NT5DC4: variants seen among roughly 807,000 people sequenced by gnomAD.
NT5DC4 encodes 5'-nucleotidase domain containing 4.
A neutral mutation model predicts 26.6 loss-of-function variants in NT5DC4; 44 were observed. That is an observed-to-expected ratio of 1.65 (90% CI 1.30 to 2.13). NT5DC4 has a LOEUF of 2.13. Ranked by LOEUF, NT5DC4 falls within the 30% of genes most tolerant of loss-of-function variation. NT5DC4 has a pLI of 0.00. For synonymous variants in NT5DC4, 157 were observed against 86.7 expected, an observed-to-expected ratio of 1.81 and a Z score of -4.51; for missense variants, 399 against 228.1, an observed-to-expected ratio of 1.75 and a Z score of -4.83.
At chr2:112,728,244 G>A (rs1678012752) in intron 15 of NT5DC4, among the ~76,000 whole-genome samples, 1 of 152,136 alleles carries the variant, frequency 6.6e-6, no homozygotes, top group Admixed American at 6.5e-5. Context: ...ACACTATCTC[G>A]TCATTTCCTT....
At chr2:112,730,495 AC>A (rs1415580216) in intron 16 of NT5DC4, among the ~76,000 whole-genome samples, 1 of 152,048 alleles carries the variant, frequency 6.6e-6, no homozygotes, top group Non-Finnish European at 1.5e-5. Flanking sequence ...TCCTCCCCAG[AC>A]AGGCTTTGTT....
Position 112,722,280 on chromosome 2 carries a change from T to A in NT5DC4, c.362+2T>A. The stretch of plus-strand genomic sequence containing the variant: ...CTATGGCTTCACCTTCCTCTCGGAG[T>A]AAGGGACAAAGGTGCCGGGAGAGTG... On this transcript the variant is annotated splice_donor_variant, in intron 4 of 16. Transcript: ENST00000688554. LOFTEE classifies it high-confidence loss of function. 1 of 716,406 alleles carries A rather than the reference T, an allele frequency of 1.4e-6. No homozygotes were observed. Among genetic ancestry groups the A allele is most frequent in the Non-Finnish European group, 2.6e-6 (1 of 384,948 alleles). The allele number at this position is 716,406 out of a possible 1,614,324, so 44.4% of individuals were successfully genotyped here.
chr2:112,725,871 T>G, intron 13 of NT5DC4, among the ~76,000 whole-genome samples: 1 of 118,652 alleles, frequency 8.4e-6, no homozygotes. Flanking sequence ...CCCAAGGATG[T>G]TCAGTGAGTG....
chr2:112,732,035 C>T (rs13429613), intron 16 of NT5DC4, among the ~76,000 whole-genome samples: 68,900 of 150,754 alleles, frequency 0.46, 15,739 homozygotes, highest in Middle Eastern at 0.57. Flanking sequence ...CCTCAACCTC[C>T]GAGTAGTTGG....
chr2:112,733,609 G>T (rs13036237), intron 16 of NT5DC4, among the ~76,000 whole-genome samples: 2 of 152,070 alleles, frequency 1.3e-5, no homozygotes, highest in African/African-American at 2.4e-5. Context: ...ACATGGACGA[G>T]GCTGCCTCCA....
chr2:112,724,457 T>A, intron 10 of NT5DC4: 1 of 564,380 alleles, frequency 1.8e-6, no homozygotes, highest in South Asian at 2.1e-5. Context: ...AGTGACCAGG[T>A]GTCACTGGGC....
chr2:112,735,489 C>T lies in NT5DC4; in HGVS notation c.1345-3424C>T, dbSNP rs912782062. ...AGATGCTATATATAATCCTCCCCCC[C>T]CTTTTTTTCTTTCTTTAAAACTTGC... On this transcript the variant is annotated intron_variant, in intron 16 of 16. Transcript: ENST00000688554. Among the ~76,000 whole-genome samples the T allele has an allele frequency of 1.9e-3, 229 of 121,508 alleles. 2 individuals are homozygous for T. The highest frequency in any genetic ancestry group is 5.4e-3 in the African/African-American group (218 of 40,586). 79.7% of individuals were successfully genotyped at this position (121,508 alleles called of 152,430 possible).
downstream of NT5DC4, chr2:112,742,761 T>G (rs575277420): frequency 6.2e-7 from 1 of 1,607,964 alleles, no homozygotes; most frequent in Non-Finnish European, 8.5e-7. Flanking sequence ...TCCGCAACTC[T>G]TGTATTGGCT....
intron 15 of NT5DC4, chr2:112,727,107 G>C: frequency 3.8e-6 from 1 of 266,580 alleles, no homozygotes; most frequent in Non-Finnish European, 7.5e-6. Flanking sequence ...CCTTGGAAAA[G>C]AGAAGAAAAG....
upstream of NT5DC4, among the ~76,000 whole-genome samples, chr2:112,719,928 T>C (rs56410444): frequency 6.7e-3 from 142 of 21,112 alleles, no homozygotes; most frequent in South Asian, 0.017. Context: ...TTCTTTCTCT[T>C]TCTTTCTTTC....
chr2:112,722,854 G>GGCTCCCCAAGA lies in NT5DC4; in HGVS notation c.527+85_527+95dup, dbSNP rs1558723392. On this transcript the variant is annotated intron_variant, in intron 6 of 16. Coordinates refer to ENST00000688554, the MANE Select transcript of NT5DC4 (RefSeq NM_001393655.1). ...AAACCCCAAAGAGGGGCCCCCCAAG[G>GGCTCCCCAAGA]GCTCCCCAAGAGGCTGGAAGGGCTC... 5.9e-6 allele frequency: 4 copies of GGCTCCCCAAGA among 673,894 alleles called. No homozygotes were observed. In the African/African-American group the frequency reaches 7.1e-5, roughly 12 times the overall value. 41.7% of individuals were successfully genotyped at this position (673,894 alleles called of 1,614,324 possible).
chr2:112,727,229 C>T (rs1011411082), intron 15 of NT5DC4: 12 of 193,162 alleles, frequency 6.2e-5, no homozygotes, highest in Non-Finnish European at 8.9e-5. Flanking sequence ...CAGCTGGGGC[C>T]GATCACAAAG....
rs1002833074 is a variant in NT5DC4 at position 112,722,478 on chromosome 2, C to G, written c.363-5C>G. ...CACTGGGGAGGGGTCATTGGCTGCA[C>G]CCAGCCTACCCCTCCTCAGGGCAGA... On this transcript the variant is annotated splice_polypyrimidine_tract_variant and splice_region_variant and intron_variant, in intron 4 of 16. Coordinates refer to ENST00000688554, the MANE Select transcript of NT5DC4 (RefSeq NM_001393655.1). 41 of 717,060 alleles carry G rather than the reference C, an allele frequency of 5.7e-5. No homozygotes were observed. Among genetic ancestry groups the G allele is most frequent in the Non-Finnish European group, 9.1e-5 (35 of 385,034 alleles). The allele number at this position is 717,060 out of a possible 1,614,324, so 44.4% of individuals were successfully genotyped here.
chr2:112,726,716 A>G lies in NT5DC4; in HGVS notation c.1244A>G (p.Asn415Ser), dbSNP rs1198500577. The G allele has an allele frequency of 4.2e-6, 3 of 717,426 alleles. No individual in the cohort carries two copies. The highest frequency in any genetic ancestry group is 2.7e-5 in the East Asian group (1 of 37,304). 44.4% of individuals were successfully genotyped at this position (717,426 alleles called of 1,614,324 possible). The change falls in exon 15 of 17, where the codon AAC becomes AGC. Residue 415 changes from asparagine to serine, a missense_variant. Coordinates refer to ENST00000688554, the MANE Select transcript of NT5DC4 (RefSeq NM_001393655.1). ...AGCAGTTGTGAGCTGCAAGTCATCA[A>G]CTTCACCAAGAGAGAGATCCAGGTG... is the stretch of plus-strand genomic sequence containing the variant. ...DGSSCELQVI[N>S]FTKREIQMPH...
intron 15 of NT5DC4, among the ~76,000 whole-genome samples, chr2:112,729,132 AT>A (rs557637180): frequency 1.3e-3 from 197 of 149,774 alleles, no homozygotes; most frequent in African/African-American, 4.4e-3. Flanking sequence ...CTGGCTTGGG[AT>A]TTTTTTTTTG....
At chr2:112,737,560 T>C (rs1443046670) in intron 16 of NT5DC4, 1 of 152,218 alleles carries the variant, frequency 6.6e-6, no homozygotes, top group Non-Finnish European at 1.5e-5. Context: ...CCTTTGCCCA[T>C]TTTTAATTAT....
At chr2:112,740,313 T>C (rs534994734), downstream of NT5DC4, among the ~76,000 whole-genome samples, 28 of 152,312 alleles carry the variant, frequency 1.8e-4, no homozygotes, top group Admixed American at 1.6e-3. Context: ...TTCCAGATCA[T>C]GATCAGAGAA....
At chr2:112,736,109 A>C (rs1679127874) in intron 16 of NT5DC4, among the ~76,000 whole-genome samples, 1 of 152,078 alleles carries the variant, frequency 6.6e-6, no homozygotes, top group African/African-American at 2.4e-5. Flanking sequence ...GAAAAAAAGT[A>C]AGTGCACAAG....
At chr2:112,732,807 C>T (rs1037864264) in intron 16 of NT5DC4, among the ~76,000 whole-genome samples, 3 of 152,210 alleles carry the variant, frequency 2.0e-5, no homozygotes, top group Admixed American at 2.0e-4. Flanking sequence ...CCTCTTCTCC[C>T]TGTTACCTCC....
Sources: gnomAD v4.1 joint callset for allele counts (sites outside exome capture counted in the v4.1 genomes callset) on GRCh38, gnomAD v4.1.1 for gene constraint, MANE v1.5 for transcripts, NCBI Gene and HGNC (gene_info 2026-07-23, HGNC 2026-07-21) for gene names.